The following OSBPL1A variants were observed in gnomAD, a reference collection of about 807,000 sequenced individuals.
OSBPL1A encodes the protein oxysterol binding protein like 1A.
In OSBPL1A, 80 loss-of-function variants were observed where a neutral mutation model predicts 137.1. That is an observed-to-expected ratio of 0.58 (90% CI 0.49 to 0.70). The LOEUF is 0.70. Ranked by LOEUF, OSBPL1A falls within the 30% of genes least tolerant of loss-of-function variation. OSBPL1A has a pLI of 0.00. For synonymous variants in OSBPL1A, 365 were observed against 389.7 expected, an observed-to-expected ratio of 0.94 and a Z score of 0.75; for missense variants, 970 against 1,129.4, an observed-to-expected ratio of 0.86 and a Z score of 2.02.
chr18:24,372,111 C>T (rs1905693168), intron 2 of OSBPL1A, among the ~76,000 whole-genome samples: 1 of 151,448 alleles, frequency 6.6e-6, no homozygotes, highest in Admixed American at 6.6e-5. Context: ...CCTATTTCTA[C>T]AAAAAATACA....
intron 17 of OSBPL1A, among the ~76,000 whole-genome samples, chr18:24,216,124 C>T (rs1161938100): frequency 4.6e-5 from 7 of 152,204 alleles, no homozygotes; most frequent in Admixed American, 4.6e-4. Flanking sequence ...ACAGAGCTTA[C>T]AGCCTCTCGT....
chr18:24,278,124 C>G (rs1470783846), intron 15 of OSBPL1A, among the ~76,000 whole-genome samples: 1 of 152,184 alleles, frequency 6.6e-6, no homozygotes, highest in Non-Finnish European at 1.5e-5. Flanking sequence ...GTCCACCAGA[C>G]TTTCAGACCA....
At chr18:24,395,442 A>AATATCTGATATAATATCTGATATGAT (rs1426669517) in intron 1 of OSBPL1A, among the ~76,000 whole-genome samples, 33 of 152,198 alleles carry the variant, frequency 2.2e-4, no homozygotes, top group Admixed American at 1.8e-3. Flanking sequence ...GATCAGATAT[A>AATATCTGATATAATATCTGATATGAT]CAGATGTATC....
chr18:24,273,983 C>T (rs924230296), intron 15 of OSBPL1A, among the ~76,000 whole-genome samples: 6 of 152,082 alleles, frequency 3.9e-5, no homozygotes, highest in African/African-American at 1.4e-4. Context: ...CCTATAATCC[C>T]AGCACATTGA....
chr18:24,277,719 G>A (rs375574508), intron 15 of OSBPL1A, among the ~76,000 whole-genome samples: 5 of 152,260 alleles, frequency 3.3e-5, no homozygotes, highest in Admixed American at 3.3e-4. Context: ...CTCTGACCTC[G>A]ATTACGCTGT....
intron 15 of OSBPL1A, among the ~76,000 whole-genome samples, chr18:24,279,965 T>C (rs2089924634): frequency 6.6e-6 from 1 of 151,930 alleles, no homozygotes; most frequent in Admixed American, 6.6e-5. Flanking sequence ...GATTTTTTTT[T>C]GAGACAGAGT....
intron 14 of OSBPL1A, among the ~76,000 whole-genome samples, chr18:24,294,650 T>A (rs1476446929): frequency 1.3e-5 from 2 of 152,142 alleles, no homozygotes; most frequent in Non-Finnish European, 2.9e-5. Flanking sequence ...TGAGAACAAA[T>A]GGTTTTTGGT....
chr18:24,293,450 A>G (rs375654343), intron 14 of OSBPL1A, among the ~76,000 whole-genome samples: 17 of 152,292 alleles, frequency 1.1e-4, no homozygotes, highest in African/African-American at 4.1e-4. Context: ...TGCTGAATCC[A>G]ATCACAAGTC....
intron 1 of OSBPL1A, 85 bp from the exon 2 acceptor site, chr18:24,377,620 G>T: frequency 7.5e-7 from 1 of 1,337,416 alleles, no homozygotes. Flanking sequence ...AAAGGGGAAA[G>T]AATCCTCATT....
chr18:24,365,022 CAACAAAAAAAAAA>C (rs2091681804), intron 4 of OSBPL1A, among the ~76,000 whole-genome samples: 4 of 29,730 alleles, frequency 1.3e-4, no homozygotes, highest in Non-Finnish European at 3.0e-4. Flanking sequence ...CAAAAAACAA[CAACAAAAAAAAAA>C]AAAAAAAAAA....
At chr18:24,170,206 T>C (rs1390616434) in intron 24 of OSBPL1A, 121 bp downstream of exon 24, 1 of 1,132,272 alleles carries the variant, frequency 8.8e-7, no homozygotes, top group East Asian at 2.4e-5. Context: ...AAAAGTGACA[T>C]GCATTAGCAA....
At chr18:24,321,737 A>T in intron 7 of OSBPL1A, 1 of 499,714 alleles carries the variant, frequency 2.0e-6, no homozygotes, top group South Asian at 1.5e-5. Context: ...TGAGAGGGTA[A>T]GAAAAGAAAA....
chr18:24,194,961 G>C (rs1275976826), intron 18 of OSBPL1A, among the ~76,000 whole-genome samples: 1 of 152,164 alleles, frequency 6.6e-6, no homozygotes, highest in Non-Finnish European at 1.5e-5. Context: ...TTACATTTAG[G>C]AAGTTTCAGA....
intron 14 of OSBPL1A, among the ~76,000 whole-genome samples, chr18:24,293,267 G>A (rs1238476761): frequency 2.6e-5 from 4 of 152,170 alleles, no homozygotes; most frequent in Admixed American, 2.0e-4. Context: ...GGAAAGGGGA[G>A]AGGACAGTAT....
At chr18:24,241,021 G>C (rs547038985) in intron 15 of OSBPL1A, among the ~76,000 whole-genome samples, 2 of 152,292 alleles carry the variant, frequency 1.3e-5, no homozygotes, top group African/African-American at 4.8e-5. Flanking sequence ...AACAAGCAAT[G>C]GGGAAAGGAT....
At chr18:24,296,011 T>G (rs182847136) in intron 14 of OSBPL1A, among the ~76,000 whole-genome samples, 81 of 152,266 alleles carry the variant, frequency 5.3e-4, no homozygotes, top group African/African-American at 1.8e-3. Context: ...TCCATATGAG[T>G]TTTAAGATTT....
chr18:24,178,512 C>A (rs1330930279), intron 20 of OSBPL1A, among the ~76,000 whole-genome samples: 2 of 152,024 alleles, frequency 1.3e-5, no homozygotes, highest in African/African-American at 4.8e-5. Context: ...AGGTTGGTTT[C>A]GAACTCCTGA....
chr18:24,266,290 G>A (rs1464381098), intron 15 of OSBPL1A, among the ~76,000 whole-genome samples: 3 of 152,168 alleles, frequency 2.0e-5, no homozygotes, highest in African/African-American at 7.2e-5. Context: ...CACAGATCAT[G>A]AGGTAAACAA....
chr18:24,181,425 A>C, intron 18 of OSBPL1A, 146 bp from the exon 19 acceptor site: 1 of 877,424 alleles, frequency 1.1e-6, no homozygotes, highest in Non-Finnish European at 1.7e-6. Flanking sequence ...AATTTCACAA[A>C]TTCTTTCCAG....
Sources: allele counts gnomAD v4.1 joint callset (sites outside exome capture counted in the v4.1 genomes callset), GRCh38; gene constraint gnomAD v4.1.1; transcripts MANE v1.5; gene names NCBI Gene and HGNC (gene_info 2026-07-23, HGNC 2026-07-21).